Variants in GTF2I observed in about 807,000 individuals in gnomAD.
The protein encoded by GTF2I is general transcription factor II-I.
A neutral mutation model predicts 67.6 loss-of-function variants in GTF2I; 12 were observed. That is an observed-to-expected ratio of 0.18 (90% CI 0.11 to 0.29). GTF2I has a LOEUF of 0.29. Among genes scored for constraint, GTF2I ranks in the 10% least tolerant of loss-of-function variants. The probability of loss-of-function intolerance (pLI) is 1.00; values close to 1 mark genes in which losing one functional copy is unlikely to be tolerated. For synonymous variants in GTF2I, 149 were observed against 197.0 expected (o/e 0.76, Z 2.04); for missense variants, 271 against 580.1 (o/e 0.47, Z 5.47).
chr7:74,677,352 T>G (rs1199858477), intron 1 of GTF2I, among the ~76,000 whole-genome samples: 1 of 152,214 alleles, frequency 6.6e-6, no homozygotes, highest in African/African-American at 2.4e-5. Context: ...TGTAAAAGTT[T>G]GAGATGTCAC....
intron 6 of GTF2I, 63 bp downstream of exon 6, chr7:74,700,697 C>T: frequency 7.1e-7 from 1 of 1,402,292 alleles, no homozygotes; most frequent in Non-Finnish European, 1.0e-6. Flanking sequence ...TTTTCATACA[C>T]TTTAATGGTT....
intron 3 of GTF2I, among the ~76,000 whole-genome samples, chr7:74,696,858 C>T (rs1446552509): frequency 6.6e-6 from 1 of 152,044 alleles, no homozygotes; most frequent in Non-Finnish European, 1.5e-5. Flanking sequence ...CAATAATGGT[C>T]TTCTGGAAGG....
intron 6 of GTF2I, among the ~76,000 whole-genome samples, chr7:74,703,538 C>G (rs1790126642): frequency 6.6e-6 from 1 of 152,084 alleles, no homozygotes; most frequent in South Asian, 2.1e-4. Flanking sequence ...CGCCACCATG[C>G]CCGGATAACT....
intron 14 of GTF2I, among the ~76,000 whole-genome samples, chr7:74,731,641 T>C (rs1200673071): frequency 6.6e-6 from 1 of 151,196 alleles, no homozygotes; most frequent in Non-Finnish European, 1.5e-5. Flanking sequence ...GCCTCCCAGG[T>C]TCAAGCAATT....
At chr7:74,689,737 C>G (rs1554396460) in intron 2 of GTF2I, among the ~76,000 whole-genome samples, 1 of 151,480 alleles carries the variant, frequency 6.6e-6, no homozygotes, top group Non-Finnish European at 1.5e-5. Context: ...TTATTTGAGA[C>G]AGAGTTTCGC....
chr7:74,709,318 G>A (rs1285656974), intron 8 of GTF2I, among the ~76,000 whole-genome samples: 10 of 151,922 alleles, frequency 6.6e-5, no homozygotes, highest in Non-Finnish European at 1.2e-4. Context: ...GTGCGATCTC[G>A]GCTCACCACA....
chr7:74,668,529 T>A (rs587669159), intron 1 of GTF2I, among the ~76,000 whole-genome samples: 138 of 152,138 alleles, frequency 9.1e-4, no homozygotes, highest in African/African-American at 3.2e-3. Flanking sequence ...TGTGTTTTGA[T>A]CTCATTTCCA....
intron 6 of GTF2I, among the ~76,000 whole-genome samples, chr7:74,704,478 A>G (rs1206687982): frequency 2.6e-5 from 4 of 151,786 alleles, no homozygotes; most frequent in Non-Finnish European, 4.4e-5. Flanking sequence ...TTTTTAGCAG[A>G]GACGGGGGTT....
At chr7:74,665,442 G>C (rs781801614) in intron 1 of GTF2I, among the ~76,000 whole-genome samples, 28 of 151,688 alleles carry the variant, frequency 1.8e-4, no homozygotes, top group Non-Finnish European at 2.5e-4. Context: ...AGCAGAGACA[G>C]GGTTTCACCA....
chr7:74,658,425 C>T (rs2131158657), intron 1 of GTF2I, among the ~76,000 whole-genome samples: 1 of 145,006 alleles, frequency 6.9e-6, no homozygotes, highest in Admixed American at 6.8e-5. Context: ...GGGGGCGCCT[C>T]GCGCGTGCGA....
At chr7:74,670,978 C>G (rs797029649) in intron 1 of GTF2I, among the ~76,000 whole-genome samples, 1 of 151,208 alleles carries the variant, frequency 6.6e-6, no homozygotes, top group African/African-American at 2.4e-5. Context: ...TTCCGAATAG[C>G]TGGTAAGATT....
At chr7:74,693,654 G>A (rs927267325) in intron 3 of GTF2I, among the ~76,000 whole-genome samples, 2 of 151,960 alleles carry the variant, frequency 1.3e-5, no homozygotes, top group South Asian at 4.1e-4. Flanking sequence ...AGACCATCCT[G>A]GCCAACATGG....
chr7:74,674,294 G>A (rs1187070186), intron 1 of GTF2I, among the ~76,000 whole-genome samples: 1 of 151,888 alleles, frequency 6.6e-6, no homozygotes, highest in African/African-American at 2.4e-5. Flanking sequence ...TCGAACTCTT[G>A]GTCTTAAGCA....
At chr7:74,706,033 A>C (rs1471496191) in intron 7 of GTF2I, among the ~76,000 whole-genome samples, 1 of 150,596 alleles carries the variant, frequency 6.6e-6, no homozygotes, top group Non-Finnish European at 1.5e-5. Flanking sequence ...GCTCACTGCA[A>C]CCTCCACCTC....
intron 9 of GTF2I, among the ~76,000 whole-genome samples, chr7:74,712,487 A>AGTGTGTGTGTGTGT (rs142200093): frequency 1.5e-5 from 2 of 131,764 alleles, no homozygotes; most frequent in Admixed American, 7.8e-5. Flanking sequence ...TTCTCCCGGG[A>AGTGTGTGTGTGTGT]GTGTGTGTGT....
chr7:74,689,327 T>A (rs1416004393), intron 2 of GTF2I, 100 bp downstream of exon 2: 2 of 551,860 alleles, frequency 3.6e-6, no homozygotes, highest in Non-Finnish European at 6.3e-6. Context: ...GTTTTTAGTT[T>A]TAATGAGTAC....
rs147841696 is a variant in GTF2I at position 74,702,741 on chromosome 7, T to C, written c.586+2107T>C. 5.9e-3 allele frequency among the ~76,000 whole-genome samples: 899 copies of C among 151,236 alleles called. 7 individuals carry two copies. The highest frequency in any genetic ancestry group is 0.02 in the African/African-American group (813 of 41,310). On this transcript the variant is annotated intron_variant, in intron 6 of 34. Transcript: ENST00000573035. ...TTTACTTTTCTTTCTTTCTTTCTTT[T>C]TTTTTTTTTTGAGACAGGGTCTCAC...
At chr7:74,722,390 C>T (rs1273004397) in intron 12 of GTF2I, among the ~76,000 whole-genome samples, 1 of 152,122 alleles carries the variant, frequency 6.6e-6, no homozygotes, top group African/African-American at 2.4e-5. Context: ...GGTGAATTGC[C>T]GTCAGGTATG....
intron 12 of GTF2I, among the ~76,000 whole-genome samples, chr7:74,720,740 T>TG: frequency 1.3e-5 from 1 of 79,242 alleles, no homozygotes; most frequent in Non-Finnish European, 2.4e-5. Context: ...ATAGAAGCTG[T>TG]ATTTTTTTTT....
Sources: gnomAD v4.1 joint callset for allele counts (sites outside exome capture counted in the v4.1 genomes callset) on GRCh38, gnomAD v4.1.1 for gene constraint, MANE v1.5 for transcripts, NCBI Gene and HGNC (gene_info 2026-07-23, HGNC 2026-07-21) for gene names.